HYCC2: variants seen among roughly 807,000 people sequenced by gnomAD.
HYCC2 encodes the protein hyccin 2.
chr2:201,051,867 A>C, the HYCC2 span, among the ~76,000 whole-genome samples: 1 of 152,228 alleles, frequency 6.6e-6, no homozygotes, highest in East Asian at 1.9e-4. Context: ...GATTGTACCA[A>C]GACCATAGAG....
the HYCC2 span, among the ~76,000 whole-genome samples, chr2:201,056,205 T>TAAATAAATA: frequency 0.051 from 7,745 of 151,026 alleles, 456 homozygotes; most frequent in African/African-American, 0.14. Flanking sequence ...AAAAAAAAAA[T>TAAATAAATA]AAATAAAATA....
chr2:201,052,535 G>A, the HYCC2 span, among the ~76,000 whole-genome samples: 2 of 152,156 alleles, frequency 1.3e-5, no homozygotes, highest in African/African-American at 2.4e-5. Flanking sequence ...TTGAACCTGG[G>A]AGGTTGAGGC....
the HYCC2 span, chr2:200,988,477 ATAC>A: frequency 1.1e-5 from 15 of 1,331,302 alleles, no homozygotes; most frequent in Admixed American, 1.7e-4. Flanking sequence ...GTTTTTGTTT[ATAC>A]TACATGTGTC....
the HYCC2 span, among the ~76,000 whole-genome samples, chr2:201,057,024 G>A: frequency 1.3e-5 from 2 of 152,242 alleles, no homozygotes; most frequent in African/African-American, 4.8e-5. Flanking sequence ...GCCCCTGCAT[G>A]AGAACTACTG....
chr2:201,069,578 ACACAC>A, the HYCC2 span, among the ~76,000 whole-genome samples: 1 of 140,572 alleles, frequency 7.1e-6, no homozygotes, highest in African/African-American at 2.7e-5. Context: ...ACACACACAC[ACACAC>A]ACACACGCAT....
chr2:201,009,066 G>A, the HYCC2 span: 20 of 1,612,940 alleles, frequency 1.2e-5, no homozygotes, highest in Admixed American at 2.5e-4. Flanking sequence ...TTCTGTCAAA[G>A]CCATGGATCC....
chr2:201,063,449 C>T, the HYCC2 span: 5 of 1,590,302 alleles, frequency 3.1e-6, no homozygotes, highest in South Asian at 5.5e-5. Context: ...AGAACATCAC[C>T]TAAGAGATTA....
chr2:201,056,385 G>T, the HYCC2 span, among the ~76,000 whole-genome samples: 2 of 152,000 alleles, frequency 1.3e-5, no homozygotes, highest in African/African-American at 2.4e-5. Context: ...AGTATAAGAT[G>T]CTCTGCCAGC....
chr2:201,045,421 C>G, the HYCC2 span: 1 of 396,196 alleles, frequency 2.5e-6, no homozygotes, highest in East Asian at 3.6e-5. Flanking sequence ...GCAAAGATTA[C>G]CAAAAATGCT....
At chr2:200,982,231 A>G in the HYCC2 span, among the ~76,000 whole-genome samples, 10 of 130,870 alleles carry the variant, frequency 7.6e-5, no homozygotes, top group South Asian at 2.3e-4. Context: ...TACCTACTGG[A>G]AAAAAAAAAA....
chr2:201,063,421 C>T, the HYCC2 span: 4 of 1,589,482 alleles, frequency 2.5e-6, no homozygotes, highest in South Asian at 3.3e-5. Context: ...TTGTTGGTGG[C>T]ATTAAAGAAG....
At chr2:200,976,214 G>GT in the HYCC2 span, 30 of 152,118 alleles carry the variant, frequency 2.0e-4, no homozygotes, top group Non-Finnish European at 4.0e-4. Context: ...TGTTCAGACT[G>GT]TTTAACATAG....
At chr2:201,040,055 T>C in the HYCC2 span, among the ~76,000 whole-genome samples, 3 of 151,858 alleles carry the variant, frequency 2.0e-5, no homozygotes, top group South Asian at 6.2e-4. Flanking sequence ...ATGCCTGTAA[T>C]CCCAGCTACT....
At chr2:201,048,860 G>A in the HYCC2 span, among the ~76,000 whole-genome samples, 7 of 152,100 alleles carry the variant, frequency 4.6e-5, no homozygotes, top group Admixed American at 1.3e-4. Context: ...AGGGCATGGC[G>A]GCTCAAGCCT....
At chr2:201,065,834 G>A in the HYCC2 span, among the ~76,000 whole-genome samples, 1 of 152,122 alleles carries the variant, frequency 6.6e-6, no homozygotes, top group South Asian at 2.1e-4. Flanking sequence ...TAAAGTTAAA[G>A]GGAAAGCTCT....
chr2:201,060,059 G>T, the HYCC2 span, among the ~76,000 whole-genome samples: 423 of 145,476 alleles, frequency 2.9e-3, 10 homozygotes, highest in African/African-American at 0.01. Flanking sequence ...AAAAGCGGGG[G>T]GGGGGGGGTT....
At chr2:201,017,158 C>G in the HYCC2 span, 3 of 1,612,308 alleles carry the variant, frequency 1.9e-6, no homozygotes, top group Admixed American at 3.4e-5. Context: ...TGATGGCAGA[C>G]AGGCTCCAGG....
At chr2:201,015,679 A>C in the HYCC2 span, among the ~76,000 whole-genome samples, 1 of 152,218 alleles carries the variant, frequency 6.6e-6, no homozygotes, top group Non-Finnish European at 1.5e-5. Flanking sequence ...AAGAGAACCT[A>C]AACCTAAACT....
At chr2:200,981,909 A>T in the HYCC2 span, 1 of 1,549,566 alleles carries the variant, frequency 6.5e-7, no homozygotes, top group Middle Eastern at 1.7e-4. This position sits in a 1 kb window ranked among gnomAD's most constrained non-coding sequence, Gnocchi z 4.5. Flanking sequence ...CAATAGCTAA[A>T]TTAAATAAGA....
Sources: gnomAD v4.1 joint callset for allele counts (sites outside exome capture counted in the v4.1 genomes callset) on GRCh38, gnomAD v4.1.1 for gene constraint, Gnocchi (gnomAD v3.1) non-coding constraint, MANE v1.5 for transcripts, NCBI Gene and HGNC (gene_info 2026-07-23, HGNC 2026-07-21) for gene names.